Variants in IL1RAPL2 observed in about 807,000 individuals in gnomAD.
The protein encoded by IL1RAPL2 is X-linked interleukin-1 receptor accessory protein-like 2.
IL1RAPL2 carries 3 observed loss-of-function variants against 44.1 expected under a neutral mutation model. The observed-to-expected ratio is 0.07, with a 90% CI of 0.03 to 0.18. IL1RAPL2 has a LOEUF of 0.18. Ranked by LOEUF, IL1RAPL2 falls within the 10% of genes least tolerant of loss-of-function variation. The pLI is 1.00. For synonymous variants in IL1RAPL2, 181 were observed against 178.8 expected, an observed-to-expected ratio of 1.01 and a Z score of -0.10; for missense variants, 391 against 496.4, an observed-to-expected ratio of 0.79 and a Z score of 2.02.
intron 2 of IL1RAPL2, among the ~76,000 whole-genome samples, chrX:104,884,062 C>A (rs1043546721): frequency 9.1e-6 from 1 of 110,334 alleles, no homozygotes; most frequent in Non-Finnish European, 1.9e-5. Flanking sequence ...CAGTAAGGGC[C>A]GCTAAATCCG....
chrX:105,076,100 G>C (rs1481285725), intron 2 of IL1RAPL2, among the ~76,000 whole-genome samples: 3 of 111,070 alleles, frequency 2.7e-5, no homozygotes, highest in Non-Finnish European at 5.7e-5. Context: ...GAATGTGTTT[G>C]CTCTTGCTTC....
intron 1 of IL1RAPL2, among the ~76,000 whole-genome samples, chrX:104,583,002 C>G (rs1390980671): frequency 1.9e-5 from 2 of 107,623 alleles, no homozygotes; most frequent in African/African-American, 6.8e-5. Flanking sequence ...ATTCTCCTGC[C>G]TCAGCCTCCC....
chrX:105,560,872 T>C (rs1004144017), intron 6 of IL1RAPL2, among the ~76,000 whole-genome samples: 4 of 110,079 alleles, frequency 3.6e-5, no homozygotes, highest in African/African-American at 1.3e-4. Flanking sequence ...TATGTATATT[T>C]AAAAATATGT....
At chrX:105,448,190 T>C (rs2035989368) in intron 5 of IL1RAPL2, among the ~76,000 whole-genome samples, 1 of 108,169 alleles carries the variant, frequency 9.2e-6, no homozygotes, top group African/African-American at 3.4e-5. Flanking sequence ...CTTTTGGGAG[T>C]TTAATTATTA....
chrX:105,632,092 G>T (rs1206124366), intron 6 of IL1RAPL2, among the ~76,000 whole-genome samples: 1 of 107,016 alleles, frequency 9.3e-6, no homozygotes, highest in Non-Finnish European at 1.9e-5. Flanking sequence ...CCTTAAGCCT[G>T]TCTGAACTCA....
At chrX:104,982,260 A>G (rs1038688227) in intron 2 of IL1RAPL2, among the ~76,000 whole-genome samples, 1 of 110,816 alleles carries the variant, frequency 9.0e-6, no homozygotes, top group African/African-American at 3.3e-5. Flanking sequence ...AAAAAATAAA[A>G]TCCTTCAAGG....
At chrX:105,584,448 G>C (rs1348007806) in intron 6 of IL1RAPL2, among the ~76,000 whole-genome samples, 2 of 109,929 alleles carry the variant, frequency 1.8e-5, no homozygotes, top group Non-Finnish European at 3.8e-5. Flanking sequence ...GTGTTTTATG[G>C]TATGTCTCGT....
At chrX:105,617,344 G>A (rs2037384651) in intron 6 of IL1RAPL2, among the ~76,000 whole-genome samples, 2 of 110,620 alleles carry the variant, frequency 1.8e-5, no homozygotes, top group South Asian at 3.9e-4. Flanking sequence ...GAGAGCATAT[G>A]GGCCAGTGAA....
chrX:105,166,543 C>T (rs1039851793), intron 2 of IL1RAPL2, among the ~76,000 whole-genome samples: 1 of 112,022 alleles, frequency 8.9e-6, no homozygotes, highest in African/African-American at 3.2e-5. Context: ...TTTCAAATGC[C>T]AGAAGTTTTT....
intron 5 of IL1RAPL2, among the ~76,000 whole-genome samples, chrX:105,432,552 GC>G (rs922263193): frequency 9.0e-6 from 1 of 111,028 alleles, no homozygotes; most frequent in African/African-American, 3.3e-5. Context: ...CTATCATTAA[GC>G]CCCCCCTTTT....
intron 5 of IL1RAPL2, among the ~76,000 whole-genome samples, chrX:105,316,908 A>ATT (rs145680042): frequency 1.0e-3 from 107 of 105,649 alleles, no homozygotes; most frequent in African/African-American, 3.6e-3. Context: ...GTCTCCAGTA[A>ATT]TTTTTTTTTT....
At chrX:105,280,965 C>T (rs1294738110) in intron 5 of IL1RAPL2, among the ~76,000 whole-genome samples, 5 of 111,302 alleles carry the variant, frequency 4.5e-5, no homozygotes, top group Non-Finnish European at 9.4e-5. Context: ...ACTATAAAGG[C>T]ACATGCGCCC....
chrX:104,735,418 G>A (rs923779986), intron 2 of IL1RAPL2, among the ~76,000 whole-genome samples: 4 of 110,844 alleles, frequency 3.6e-5, no homozygotes, highest in Non-Finnish European at 5.7e-5. Flanking sequence ...TCCATGAATG[G>A]CAGTTGCTAT....
chrX:105,033,782 T>C (rs1451981604), intron 2 of IL1RAPL2, among the ~76,000 whole-genome samples: 1 of 112,037 alleles, frequency 8.9e-6, no homozygotes, highest in Admixed American at 9.5e-5. Flanking sequence ...CCTTGCTAGA[T>C]TGGGGAAGTT....
chrX:104,911,167 GC>G (rs1924226176), intron 2 of IL1RAPL2, among the ~76,000 whole-genome samples: 1 of 111,248 alleles, frequency 9.0e-6, no homozygotes, highest in African/African-American at 3.3e-5. Flanking sequence ...CCCATCTCCC[GC>G]CCAAAGACTC....
intron 2 of IL1RAPL2, among the ~76,000 whole-genome samples, chrX:104,882,547 G>A (rs1336483701): frequency 1.8e-5 from 2 of 111,618 alleles, no homozygotes; most frequent in South Asian, 3.8e-4. Context: ...ACACCAATCA[G>A]TGCTCTGTCT....
At chrX:105,555,081 T>G (rs954600797) in intron 6 of IL1RAPL2, among the ~76,000 whole-genome samples, 1 of 109,702 alleles carries the variant, frequency 9.1e-6, no homozygotes, top group Non-Finnish European at 1.9e-5. Context: ...TAGTTGTTTT[T>G]TTTTTTTTTT....
chrX:105,066,246 C>T (rs1258972423), intron 2 of IL1RAPL2, among the ~76,000 whole-genome samples: 1 of 111,412 alleles, frequency 9.0e-6, no homozygotes, highest in East Asian at 2.8e-4. Flanking sequence ...CAGAACATAT[C>T]TTCATCAGTT....
In IL1RAPL2 at chrX:105,767,814, T is replaced by C. The variant is rs1216567363; in HGVS notation, c.*153T>C. On this transcript the variant is annotated 3_prime_UTR_variant, in exon 11 of 11. Transcript: ENST00000372582. ...ATACTTAAATATTTTTGTTTACATT[T>C]CCAGAATAGTGGGGGGAAAGAAGGA... The C allele has an allele frequency of 4.5e-6, 2 of 441,400 alleles. No individual in the cohort carries two copies. Among genetic ancestry groups the C allele is most frequent in the African/African-American group, 2.5e-5 (1 of 40,532 alleles). The allele number at this position is 441,400 out of a possible 1,213,427, so 36.4% of individuals were successfully genotyped here.
Sources: gnomAD v4.1 joint callset for allele counts (sites outside exome capture counted in the v4.1 genomes callset) on GRCh38, gnomAD v4.1.1 for gene constraint, MANE v1.5 for transcripts, NCBI Gene and HGNC (gene_info 2026-07-23, HGNC 2026-07-21) for gene names.